The following MDFIC2 variants were observed in gnomAD, a reference collection of about 807,000 sequenced individuals.
The protein encoded by MDFIC2 is myoD family inhibitor domain-containing protein 2.
chr3:70,216,916 C>G (rs1339908953), intron 2 of MDFIC2, among the ~76,000 whole-genome samples: 1 of 152,110 alleles, frequency 6.6e-6, no homozygotes, highest in Non-Finnish European at 1.5e-5. Context: ...CACAGGGACC[C>G]CTTCCCCTCA....
chr3:70,286,034 T>C (rs1402036443), intron 2 of MDFIC2, among the ~76,000 whole-genome samples: 1 of 152,134 alleles, frequency 6.6e-6, no homozygotes, highest in Non-Finnish European at 1.5e-5. Flanking sequence ...TGGTAGTTTC[T>C]TTTGCTGTGC....
chr3:70,243,349 T>C (rs1014335147), intron 2 of MDFIC2, among the ~76,000 whole-genome samples: 1 of 152,188 alleles, frequency 6.6e-6, no homozygotes, highest in Non-Finnish European at 1.5e-5. Context: ...GGGTTGTATT[T>C]GGCTCAACTG....
At chr3:70,296,961 C>T (rs1181879706) in intron 2 of MDFIC2, among the ~76,000 whole-genome samples, 1 of 151,838 alleles carries the variant, frequency 6.6e-6, no homozygotes, top group African/African-American at 2.4e-5. Context: ...AGTTTATTGT[C>T]AATATCTGAT....
At chr3:70,275,768 T>C (rs1020313640) in intron 2 of MDFIC2, among the ~76,000 whole-genome samples, 1 of 152,200 alleles carries the variant, frequency 6.6e-6, no homozygotes, top group Non-Finnish European at 1.5e-5. Context: ...CTTTCAGAAG[T>C]TTATAGCATA....
chr3:70,251,985 T>C (rs1365536567), intron 2 of MDFIC2, among the ~76,000 whole-genome samples: 1 of 152,196 alleles, frequency 6.6e-6, no homozygotes, highest in East Asian at 1.9e-4. Context: ...AAAACACGTG[T>C]TAAGGAACTA....
At chr3:70,201,486 C>T (rs1288229285) in intron 3 of MDFIC2, among the ~76,000 whole-genome samples, 1 of 152,056 alleles carries the variant, frequency 6.6e-6, no homozygotes, top group Non-Finnish European at 1.5e-5. Context: ...TTTGCTATTG[C>T]AAATTTTGTG....
intron 2 of MDFIC2, among the ~76,000 whole-genome samples, chr3:70,210,903 A>G (rs1701336942): frequency 6.6e-6 from 1 of 152,156 alleles, no homozygotes; most frequent in African/African-American, 2.4e-5. Flanking sequence ...ACTGTTGAGC[A>G]AATGTTATTA....
chr3:70,231,223 A>C (rs1401224035), intron 2 of MDFIC2, among the ~76,000 whole-genome samples: 1 of 152,252 alleles, frequency 6.6e-6, no homozygotes, highest in Non-Finnish European at 1.5e-5. Flanking sequence ...AGTGGCAAAC[A>C]GCTAGCCATG....
intron 2 of MDFIC2, among the ~76,000 whole-genome samples, chr3:70,283,397 G>T (rs1702108226): frequency 6.6e-6 from 1 of 152,092 alleles, no homozygotes; most frequent in South Asian, 2.1e-4. Flanking sequence ...TATTGTTCAG[G>T]CTGACGAATA....
intron 2 of MDFIC2, among the ~76,000 whole-genome samples, chr3:70,259,360 T>C (rs1227502320): frequency 6.6e-6 from 1 of 151,832 alleles, no homozygotes; most frequent in Middle Eastern, 3.2e-3. Flanking sequence ...GTGACCTTGA[T>C]AGACAGTGGA....
intron 2 of MDFIC2, among the ~76,000 whole-genome samples, chr3:70,269,163 A>G (rs1701951813): frequency 6.6e-6 from 1 of 152,214 alleles, no homozygotes; most frequent in African/African-American, 2.4e-5. Flanking sequence ...ATTTTTAAAC[A>G]TCTGTGGAAT....
At position 70,206,651 on chromosome 3, in the gene MDFIC2, T is replaced by C. The variant is rs1701293402; in HGVS notation, c.228A>G (p.Thr76=). The change falls in exon 3 of 4, where the codon ACA becomes ACG. Residue 76 remains threonine, a synonymous_variant. Coordinates refer to ENST00000567252, the MANE Select transcript of MDFIC2 (RefSeq NM_001364677.1). ...PNEKKLSESS[T]SLSSLEECQT... Reference sequence around the variant, plus strand: ...GGCATTCTTCAAGGGAGGACAGTGATGTGCTGGATTCTGACAGTTTTTTCT... The same window carrying C: ...GGCATTCTTCAAGGGAGGACAGTGACGTGCTGGATTCTGACAGTTTTTTCT... The C allele has an allele frequency of 2.5e-6, 1 of 397,844 alleles. No individual in the cohort carries two copies. The highest frequency in any genetic ancestry group is 4.4e-6 in the Non-Finnish European group (1 of 225,618). The allele number at this position is 397,844 out of a possible 1,614,324, so 24.6% of individuals were successfully genotyped here.
chr3:70,232,523 C>G (rs1701570363), intron 2 of MDFIC2, among the ~76,000 whole-genome samples: 1 of 151,950 alleles, frequency 6.6e-6, no homozygotes, highest in Non-Finnish European at 1.5e-5. Context: ...CCTCAGTCTC[C>G]TGAGCAGCTG....
chr3:70,207,222 A>G (rs888153366), intron 2 of MDFIC2, among the ~76,000 whole-genome samples: 2 of 152,028 alleles, frequency 1.3e-5, no homozygotes, highest in African/African-American at 4.8e-5. Context: ...TCACTTTATT[A>G]CTTTGTTTTT....
chr3:70,255,889 G>A (rs9884082), intron 2 of MDFIC2, among the ~76,000 whole-genome samples: 1,602 of 152,298 alleles, frequency 0.011, 28 homozygotes, highest in African/African-American at 0.035. Flanking sequence ...GGTGCAAACT[G>A]TGTGGATCCT....
chr3:70,215,265 A>G (rs1253338479), intron 2 of MDFIC2, among the ~76,000 whole-genome samples: 1 of 152,118 alleles, frequency 6.6e-6, no homozygotes, highest in African/African-American at 2.4e-5. Flanking sequence ...CCCCGCTGGT[A>G]AGGGGCAGAG....
At chr3:70,287,378 T>C (rs1409025071) in intron 2 of MDFIC2, among the ~76,000 whole-genome samples, 2 of 151,074 alleles carry the variant, frequency 1.3e-5, no homozygotes. Context: ...TTGCATATAT[T>C]GAACCAGCCT....
At chr3:70,249,919 A>G (rs2106650057) in intron 2 of MDFIC2, among the ~76,000 whole-genome samples, 1 of 152,324 alleles carries the variant, frequency 6.6e-6, no homozygotes, top group East Asian at 1.9e-4. Flanking sequence ...TCTGGCAAAA[A>G]AGGAACAGTA....
At chr3:70,227,697 A>C (rs773985950) in intron 2 of MDFIC2, among the ~76,000 whole-genome samples, 3 of 152,226 alleles carry the variant, frequency 2.0e-5, no homozygotes, top group African/African-American at 7.2e-5. Context: ...GATGCCAGAT[A>C]GTGTTCTGAG....
Sources: allele counts gnomAD v4.1 joint callset (sites outside exome capture counted in the v4.1 genomes callset), GRCh38; gene constraint gnomAD v4.1.1; transcripts MANE v1.5; gene names NCBI Gene and HGNC (gene_info 2026-07-23, HGNC 2026-07-21).